NCS1: variants seen among roughly 807,000 people sequenced by gnomAD.
NCS1 encodes frequenin homolog.
Under a neutral mutation model 28.4 loss-of-function variants are expected in NCS1, and 6 were observed. The ratio of observed to expected loss-of-function variants is 0.21; its 90% CI spans 0.12 to 0.42. NCS1 has a LOEUF of 0.42. NCS1 is among the 10% of genes least tolerant of loss of function. The probability of loss-of-function intolerance (pLI) is 1.00; values close to 1 mark genes in which losing one functional copy is unlikely to be tolerated. For synonymous variants in NCS1, 86 were observed against 99.3 expected, an observed-to-expected ratio of 0.87 and a Z score of 0.79; for missense variants, 131 against 241.4, an observed-to-expected ratio of 0.54 and a Z score of 3.03.
chr9:130,219,641 C>A lies in NCS1; in HGVS notation c.229-84C>A. Reference sequence around the variant, plus strand: ...TGGCCACAGTGTCTGGAGCCTGCGACTGCCCCTCGCCCGTCCCGAGGTTCA... The same window carrying A: ...TGGCCACAGTGTCTGGAGCCTGCGAATGCCCCTCGCCCGTCCCGAGGTTCA... On this transcript the variant is annotated intron_variant, in intron 3 of 7. Transcript: ENST00000372398. This position sits in a 1 kb window ranked among gnomAD's most constrained non-coding sequence, Gnocchi z 5.7. 7.8e-7 allele frequency: 1 copy of A among 1,285,088 alleles called. No individual in the cohort carries two copies. The highest frequency in any genetic ancestry group is 1.1e-6 in the Non-Finnish European group (1 of 889,322). The allele number at this position is 1,285,088 out of a possible 1,614,324, so 79.6% of individuals were successfully genotyped here. A position where few individuals can be genotyped will look rare whatever the true frequency, so the allele number is the denominator to read the frequency against.
intron 1 of NCS1, among the ~76,000 whole-genome samples, chr9:130,195,244 A>G (rs758850): frequency 0.71 from 108,296 of 152,012 alleles, 40,173 homozygotes; most frequent in Middle Eastern, 0.83. Flanking sequence ...TGGGCTGGCC[A>G]AGGCCCTCTC....
intron 5 of NCS1, 43 bp from the exon 6 acceptor site, chr9:130,223,039 C>T (rs1554910823): frequency 6.4e-7 from 1 of 1,561,108 alleles, no homozygotes; most frequent in South Asian, 1.1e-5. Context: ...GAGCCCAAAG[C>T]CCAGAGTGCC....
chr9:130,176,815 C>T (rs554318265), intron 1 of NCS1, among the ~76,000 whole-genome samples: 3 of 152,326 alleles, frequency 2.0e-5, no homozygotes, highest in African/African-American at 7.2e-5. Context: ...GGAAAGCAGC[C>T]GGGTTATCCG....
intron 3 of NCS1, among the ~76,000 whole-genome samples, chr9:130,218,592 T>C (rs1554909723): frequency 7.0e-6 from 1 of 143,838 alleles, no homozygotes; most frequent in East Asian, 1.9e-4. Flanking sequence ...GCTCTTTACA[T>C]GGATTTTTTT....
At chr9:130,231,585 T>A (rs369841331) in intron 7 of NCS1, among the ~76,000 whole-genome samples, 15 of 151,984 alleles carry the variant, frequency 9.9e-5, no homozygotes. Flanking sequence ...GGTTTCACCA[T>A]GTTGGCCAGG....
At chr9:130,212,003 G>C (rs559689331) in intron 2 of NCS1, among the ~76,000 whole-genome samples, 1 of 152,252 alleles carries the variant, frequency 6.6e-6, no homozygotes, top group Non-Finnish European at 1.5e-5. Flanking sequence ...AGTGGAGTCA[G>C]GCAGGTGGGG....
Position 130,186,797 on chromosome 9 carries a change from T to G in NCS1, c.64+14070T>G, listed in dbSNP as rs1275110244. On this transcript the variant is annotated intron_variant, in intron 1 of 7. Coordinates refer to ENST00000372398, the MANE Select transcript of NCS1 (RefSeq NM_014286.4). The surrounding 1 kb of genome is among the most constrained non-coding windows in gnomAD (Gnocchi z 4.1). ...TGGGGACATGAAATTGCACGGTGAC[T>G]GCAGCATAGAGGGCCTGTGGCCGTG... Among the ~76,000 whole-genome samples the G allele has an allele frequency of 3.9e-5, 6 of 152,196 alleles. No individual in the cohort carries two copies. Among genetic ancestry groups the G allele is most frequent in the Admixed American group, 3.3e-4 (5 of 15,288 alleles).
rs1833412661 is a variant in NCS1, at chr9:130,226,231, G to T, written c.475-158G>T. ...CCAAGGCCACCCTGCCATGAGTGCC[G>T]AGGTCTGTCTGGTGCTGGCTGCTTG... On this transcript the variant is annotated intron_variant, in intron 6 of 7. Coordinates refer to ENST00000372398, the MANE Select transcript of NCS1 (RefSeq NM_014286.4). This position sits in a 1 kb window ranked among gnomAD's most constrained non-coding sequence, Gnocchi z 4.8. 6.6e-6 allele frequency among the ~76,000 whole-genome samples: 1 copy of T among 152,210 alleles called. No homozygotes were observed. The highest frequency in any genetic ancestry group is 6.5e-5 in the Admixed American group (1 of 15,276).
intron 1 of NCS1, among the ~76,000 whole-genome samples, chr9:130,182,156 A>G (rs530793694): frequency 5.4e-4 from 82 of 152,078 alleles, no homozygotes; most frequent in African/African-American, 2.0e-3. Flanking sequence ...GGGAGTAGGG[A>G]CCCTTATACC....
At chr9:130,179,996 TATC>T (rs1554904992) in intron 1 of NCS1, among the ~76,000 whole-genome samples, 1 of 74 alleles carries the variant, frequency 0.014, no homozygotes. Context: ...GCCTTCTTTT[TATC>T]TATCTATCTA....
In NCS1 at chr9:130,184,105, C is replaced by T. The variant is rs564376211; in HGVS notation, c.64+11378C>T. ...GATTACAGGTGTGAGCCACCGCGCC[C>T]GGCGTCTTTTCTTTTCTTTCTTCTG... On this transcript the variant is annotated intron_variant, in intron 1 of 7. Transcript: ENST00000372398. Among the ~76,000 whole-genome samples the T allele has an allele frequency of 7.2e-5, 11 of 152,228 alleles. No individual in the cohort carries two copies. The South Asian group carries it at 1.7e-3, about 23-fold the overall frequency.
intron 1 of NCS1, among the ~76,000 whole-genome samples, chr9:130,193,175 C>G (rs1588113029): frequency 6.6e-6 from 1 of 152,318 alleles, no homozygotes. Context: ...GCAGAGCACC[C>G]TATTCTCAGG....
intron 2 of NCS1, among the ~76,000 whole-genome samples, chr9:130,212,363 G>A (rs1460348348): frequency 6.6e-6 from 1 of 151,810 alleles, no homozygotes; most frequent in African/African-American, 2.4e-5. Flanking sequence ...GTCCTAACTT[G>A]GGGAGGGGGT....
intron 1 of NCS1, among the ~76,000 whole-genome samples, chr9:130,193,144 G>A (rs1321191570): frequency 2.0e-5 from 3 of 152,296 alleles, no homozygotes; most frequent in African/African-American, 7.2e-5. Context: ...CTGTGCTGTT[G>A]CTGCCCAGGG....
In NCS1 at chr9:130,191,969, G is replaced by A. The variant is rs181592480; in HGVS notation, c.65-8989G>A. Among the ~76,000 whole-genome samples, 378 of 152,334 alleles carry A rather than the reference G, an allele frequency of 2.5e-3. 3 individuals carry two copies. Among genetic ancestry groups the A allele is most frequent in the Non-Finnish European group, 4.8e-3 (326 of 68,034 alleles). On this transcript the variant is annotated intron_variant, in intron 1 of 7. Transcript: ENST00000372398. The surrounding 1 kb of genome is among the most constrained non-coding windows in gnomAD (Gnocchi z 6.4). Reference sequence around the variant, plus strand: ...CGTGATGGGGGGCTGGAGGGCAGAAGGGCTGGGGAACGCGCGGCGAGTGGG... The same window carrying A: ...CGTGATGGGGGGCTGGAGGGCAGAAAGGCTGGGGAACGCGCGGCGAGTGGG...
Position 130,199,216 on chromosome 9 carries a change from C to G in NCS1, c.65-1742C>G, listed in dbSNP as rs1832912168. ...TCAAGCGATTCTCCTGCCTCAGCCTCTAGAGTAGCTGGGACTACAGGAGCG... is the reference window on the plus strand; with the variant it reads ...TCAAGCGATTCTCCTGCCTCAGCCTGTAGAGTAGCTGGGACTACAGGAGCG... On this transcript the variant is annotated intron_variant, in intron 1 of 7. Transcript: ENST00000372398. Among the ~76,000 whole-genome samples the G allele has an allele frequency of 2.6e-5, 4 of 152,062 alleles. No individual in the cohort carries two copies. In the South Asian group the frequency reaches 8.3e-4, roughly 32 times the overall value.
intron 1 of NCS1, among the ~76,000 whole-genome samples, chr9:130,200,100 G>T (rs377407611): frequency 6.6e-6 from 1 of 152,186 alleles, no homozygotes. Flanking sequence ...ACAGGTCTGT[G>T]TGGCAGGTGC....
intron 1 of NCS1, among the ~76,000 whole-genome samples, chr9:130,174,901 C>G (rs1832543344): frequency 6.6e-6 from 1 of 152,000 alleles, no homozygotes; most frequent in Non-Finnish European, 1.5e-5. Flanking sequence ...TGTCCGGCCC[C>G]CTCCTCCGGG....
chr9:130,199,928 C>CATTCATTCATTA (rs55703671), intron 1 of NCS1, among the ~76,000 whole-genome samples: 1 of 152,114 alleles, frequency 6.6e-6, no homozygotes, highest in Non-Finnish European at 1.5e-5. Flanking sequence ...TTCATTCATT[C>CATTCATTCATTA]CACAAACCAG....
Sources: gnomAD v4.1 joint callset for allele counts (sites outside exome capture counted in the v4.1 genomes callset) on GRCh38, gnomAD v4.1.1 for gene constraint, Gnocchi (gnomAD v3.1) non-coding constraint, MANE v1.5 for transcripts, NCBI Gene and HGNC (gene_info 2026-07-23, HGNC 2026-07-21) for gene names.